The following BMP8A variants were observed in gnomAD, a reference collection of about 807,000 sequenced individuals.
BMP8A encodes BMP-8A.
A neutral mutation model predicts 36.8 loss-of-function variants in BMP8A; 14 were observed. The ratio of observed to expected loss-of-function variants is 0.38; its 90% CI spans 0.25 to 0.60. The LOEUF is 0.60. Among genes scored for constraint, BMP8A ranks in the 20% least tolerant of loss-of-function variants. BMP8A has a pLI of 0.63. For missense variants in BMP8A, 267 were observed against 551.1 expected (o/e 0.48, Z 5.16); for synonymous variants, 120 against 237.7 (o/e 0.50, Z 4.55).
chr1:39,497,871 G>C (rs1244994434), intron 1 of BMP8A, among the ~76,000 whole-genome samples: 3 of 152,212 alleles, frequency 2.0e-5, no homozygotes, highest in African/African-American at 7.2e-5. Context: ...TGTCTGTGTG[G>C]GGGCCAACAA....
chr1:39,525,761 A>G lies in BMP8A; in HGVS notation c.1172A>G (p.His391Arg). Reference sequence around the variant, plus strand: ...AGCAACAACGTCATCCTGCGCAAGCACCGCAACATGGTGGTCAAGGCCTGC... The same window carrying G: ...AGCAACAACGTCATCCTGCGCAAGCGCCGCAACATGGTGGTCAAGGCCTGC... ...DSSNNVILRK[H>R]RNMVVKACGC... is the part of the protein sequence containing the mutation. Residue 391 changes from histidine to arginine, a missense_variant, in exon 7 of 7, where the codon CAC becomes CGC. By Grantham distance (29) the His-to-Arg change is conservative. This residue lies in a region of BMP8A where 132 missense variants were observed against 151.3 expected (regional missense o/e 0.87). Transcript: ENST00000331593. The G allele has an allele frequency of 6.2e-7, 1 of 1,614,164 alleles. No homozygotes were observed. The highest frequency in any genetic ancestry group is 8.5e-7 in the Non-Finnish European group (1 of 1,180,006).
chr1:39,505,179 G>C (rs1014251081), intron 1 of BMP8A, among the ~76,000 whole-genome samples: 7 of 152,136 alleles, frequency 4.6e-5, no homozygotes, highest in African/African-American at 1.4e-4. Flanking sequence ...GTGTCAGACT[G>C]GGGTTGGTCA....
chr1:39,505,985 C>CAAA (rs369981354), intron 1 of BMP8A, among the ~76,000 whole-genome samples: 53,195 of 93,342 alleles, frequency 0.57, 17,720 homozygotes, highest in Non-Finnish European at 0.65. Context: ...GACCCTGTCT[C>CAAA]CAAAAAAAAA....
At chr1:39,492,364 C>T (rs751965828) in intron 1 of BMP8A, 39 bp downstream of exon 1, 3 of 1,501,182 alleles carry the variant, frequency 2.0e-6, no homozygotes, top group East Asian at 2.6e-5. Context: ...TCGGAGTAAG[C>T]TGGCTGCAGG....
chr1:39,527,610 G>A lies in BMP8A; in HGVS notation c.*1812G>A, dbSNP rs1645495969. 6.6e-6 allele frequency among the ~76,000 whole-genome samples: 1 copy of A among 152,238 alleles called. No homozygotes were observed. Among genetic ancestry groups the A allele is most frequent in the African/African-American group, 2.4e-5 (1 of 41,458 alleles). On this transcript the variant is annotated 3_prime_UTR_variant, in exon 7 of 7. Transcript: ENST00000331593. ...CCTGGACCAGGGAGGGCCTCCATGT[G>A]CAAGCGCAGAGGAAGAGACCCTCTC...
At position 39,525,807 on chromosome 1, in the gene BMP8A, G is replaced by T. The variant is rs769857753; in HGVS notation, c.*9G>T. Reference sequence around the variant, plus strand: ...CCTGCGGCTGCCACTGAGTCAGCCCGCCCAGCCCTACTGCAGCCACCCTTC... The same window carrying T: ...CCTGCGGCTGCCACTGAGTCAGCCCTCCCAGCCCTACTGCAGCCACCCTTC... On this transcript the variant is annotated 3_prime_UTR_variant, in exon 7 of 7. Transcript: ENST00000331593. The T allele has an allele frequency of 9.3e-6, 15 of 1,613,630 alleles. No individual in the cohort carries two copies. In the East Asian group the frequency reaches 3.3e-4, roughly 36 times the overall value.
chr1:39,528,699 CT>C lies in BMP8A; in HGVS notation c.*2918del, dbSNP rs34518993. The stretch of plus-strand genomic sequence containing the variant: ...CGACCTGGCATCAGGTCCTGGCTGC[CT>C]TTTTTTTTTTTTTTTTAAAGACATA... On this transcript the variant is annotated 3_prime_UTR_variant, in exon 7 of 7. Coordinates refer to ENST00000331593, the MANE Select transcript of BMP8A (RefSeq NM_181809.4). Among the ~76,000 whole-genome samples the C allele has an allele frequency of 0.14, 19,970 of 139,074 alleles. 1,520 individuals carry two copies. Among genetic ancestry groups the C allele is most frequent in the Non-Finnish European group, 0.19 (12,124 of 64,540 alleles). The allele number at this position is 139,074 out of a possible 152,430, so 91.2% of individuals were successfully genotyped here.
Position 39,523,050 on chromosome 1 carries a change from A to AG in BMP8A, c.997dup (p.Glu333GlyfsTer49), listed in dbSNP as rs754723653. The AG allele has an allele frequency of 5.6e-6, 9 of 1,613,726 alleles. No homozygotes were observed. The South Asian group carries it at 8.8e-5, about 16-fold the overall frequency. ...CAAGGCTACTCAGCCTATTACTGTGAGGGGGAGTGCTCCTTCCCGCTGGAC... is the reference window on the plus strand; with the variant it reads ...CAAGGCTACTCAGCCTATTACTGTGAGGGGGGAGTGCTCCTTCCCGCTGGAC... On this transcript the variant is annotated frameshift_variant, in exon 6 of 7. Coordinates refer to ENST00000331593, the MANE Select transcript of BMP8A (RefSeq NM_181809.4). LOFTEE classifies it high-confidence loss of function.
chr1:39,509,595 G>A (rs1645333448), intron 1 of BMP8A, among the ~76,000 whole-genome samples: 1 of 152,104 alleles, frequency 6.6e-6, no homozygotes, highest in Non-Finnish European at 1.5e-5. Flanking sequence ...ACCTCCTCCT[G>A]CCCACACACG....
rs1645160434 is a variant in BMP8A at position 39,491,843 on chromosome 1, TCCAGGGACCGCGCTGAGGCCGCAG to T, written c.-148_-125del. The stretch of plus-strand genomic sequence containing the variant: ...CGGGGCAGGTGCGCGCGGGGGGCGC[TCCAGGGACCGCGCTGAGGCCGCAG>T]ACGCCGCCCGCCGAGCCCCGCCCCC... On this transcript the variant is annotated 5_prime_UTR_variant, in exon 1 of 7. Transcript: ENST00000331593. 2 of 676,236 alleles carry T rather than the reference TCCAGGGACCGCGCTGAGGCCGCAG, an allele frequency of 3.0e-6. No homozygotes were observed. The highest frequency in any genetic ancestry group is 2.3e-4 in the East Asian group (2 of 8,690). The allele number at this position is 676,236 out of a possible 1,614,324, so 41.9% of individuals were successfully genotyped here. A position where few individuals can be genotyped will look rare whatever the true frequency, so the allele number is the denominator to read the frequency against.
At position 39,524,226 on chromosome 1, in the gene BMP8A, A is replaced by G. The variant is rs758148026; in HGVS notation, c.1059+1109A>G. On this transcript the variant is annotated intron_variant, in intron 6 of 6. Transcript: ENST00000331593. The surrounding 1 kb of genome is among the most constrained non-coding windows in gnomAD (Gnocchi z 4.0). ...TCACAGCTGCATGTGTGGGAGGTAC[A>G]TGGGAAGGTGACTGCACCTGCAGCT... is the stretch of plus-strand genomic sequence containing the variant. 5.3e-5 allele frequency among the ~76,000 whole-genome samples: 8 copies of G among 152,106 alleles called. No individual in the cohort carries two copies. Among genetic ancestry groups the G allele is most frequent in the African/African-American group, 1.7e-4 (7 of 41,426 alleles).
chr1:39,503,574 G>A (rs781460206), intron 1 of BMP8A, among the ~76,000 whole-genome samples: 2 of 130,020 alleles, frequency 1.5e-5, no homozygotes, highest in African/African-American at 3.0e-5. Flanking sequence ...GAGTGCAGTC[G>A]TGCAATCTTG....
chr1:39,496,012 T>C (rs1191488108), intron 1 of BMP8A, among the ~76,000 whole-genome samples: 4 of 151,456 alleles, frequency 2.6e-5, no homozygotes, highest in African/African-American at 4.9e-5. Flanking sequence ...GCCGTCTGGA[T>C]TTGGGAGAAG....
At chr1:39,495,943 C>G (rs1295653474) in intron 1 of BMP8A, among the ~76,000 whole-genome samples, 2 of 151,550 alleles carry the variant, frequency 1.3e-5, no homozygotes, top group African/African-American at 2.4e-5. Flanking sequence ...CCTTCCTGAA[C>G]CAGACAGATT....
At chr1:39,500,254 GTTT>G (rs1440968274) in intron 1 of BMP8A, among the ~76,000 whole-genome samples, 3 of 152,150 alleles carry the variant, frequency 2.0e-5, no homozygotes, top group Non-Finnish European at 4.4e-5. Context: ...TACTTTCCAG[GTTT>G]TAGACTAATG....
chr1:39,504,970 A>G (rs1245855168), intron 1 of BMP8A, among the ~76,000 whole-genome samples: 1 of 152,234 alleles, frequency 6.6e-6, no homozygotes, highest in Non-Finnish European at 1.5e-5. Context: ...TGCAGTAAAG[A>G]GCAGTATTGT....
chr1:39,507,349 A>G (rs1343419639), intron 1 of BMP8A, among the ~76,000 whole-genome samples: 1 of 152,242 alleles, frequency 6.6e-6, no homozygotes, highest in Non-Finnish European at 1.5e-5. Context: ...GGCCTTTCCC[A>G]TGAATTCCCT....
chr1:39,521,533 C>T lies in BMP8A; in HGVS notation c.831C>T (p.Asn277=), dbSNP rs1484778934. 8.1e-6 allele frequency: 7 copies of T among 867,062 alleles called. 2 individuals carry two copies. In the South Asian group the frequency reaches 1.1e-4, roughly 14 times the overall value. The allele number at this position is 867,062 out of a possible 1,614,324, so 53.7% of individuals were successfully genotyped here. Residue 277 remains asparagine (N), a synonymous_variant, in exon 4 of 7, where the codon AAC becomes AAT. Transcript: ENST00000331593. ...GGAGGAGGCAACCGAAGAAAAGCAA[C>T]GAGCTGCCGCAGGCCAACCGACTCC... ...PLRRRQPKKS[N]ELPQANRLPG... is the part of the protein sequence containing the mutation.
rs1645461933 is a variant in BMP8A at position 39,524,465 on chromosome 1, A to C, written c.1060-1184A>C. On this transcript the variant is annotated intron_variant, in intron 6 of 6. Coordinates refer to ENST00000331593, the MANE Select transcript of BMP8A (RefSeq NM_181809.4). The surrounding 1 kb of genome is among the most constrained non-coding windows in gnomAD (Gnocchi z 4.0). ...GTGAGACTGGGCCCAGCCTCTCCACACAAGGAGGGGCACGTCAGCAGCTGG... is the reference window on the plus strand; with the variant it reads ...GTGAGACTGGGCCCAGCCTCTCCACCCAAGGAGGGGCACGTCAGCAGCTGG... Among the ~76,000 whole-genome samples, 1 of 152,184 alleles carries C rather than the reference A, an allele frequency of 6.6e-6. No homozygotes were observed. Among genetic ancestry groups the C allele is most frequent in the Admixed American group, 6.5e-5 (1 of 15,284 alleles).
Sources: allele counts gnomAD v4.1 joint callset (sites outside exome capture counted in the v4.1 genomes callset), GRCh38; gene constraint gnomAD v4.1.1; regional missense constraint gnomAD v4.1.1; non-coding constraint Gnocchi (gnomAD v3.1); transcripts MANE v1.5; gene names NCBI Gene and HGNC (gene_info 2026-07-23, HGNC 2026-07-21).